The following TSC22D1 variants were observed in gnomAD, a reference collection of about 807,000 sequenced individuals.
The protein encoded by TSC22D1 is TSC22 domain family protein 1.
In TSC22D1, 9 loss-of-function variants were observed where a neutral mutation model predicts 74.2. The ratio of observed to expected loss-of-function variants is 0.12; its 90% CI spans 0.07 to 0.21. The LOEUF is 0.21. TSC22D1 is among the 10% of genes least tolerant of loss of function. The pLI is 1.00. For synonymous variants in TSC22D1, 586 were observed against 492.5 expected, an observed-to-expected ratio of 1.19 and a Z score of -2.51; for missense variants, 1,427 against 1,304.7, an observed-to-expected ratio of 1.09 and a Z score of -1.44.
At chr13:44,530,184 C>T (rs927183452) in intron 1 of TSC22D1, among the ~76,000 whole-genome samples, 1 of 152,076 alleles carries the variant, frequency 6.6e-6, no homozygotes, top group Admixed American at 6.6e-5. Context: ...CAGTATTCAA[C>T]ACAGTATGAT....
At chr13:44,523,321 A>T (rs1400811177) in intron 1 of TSC22D1, among the ~76,000 whole-genome samples, 1 of 152,230 alleles carries the variant, frequency 6.6e-6, no homozygotes, top group East Asian at 1.9e-4. Context: ...GTTGAAAACA[A>T]GTCCACATAA....
chr13:44,448,137 G>GTTGTCCTGATTATGA (rs1299832639), intron 1 of TSC22D1, among the ~76,000 whole-genome samples: 2 of 152,054 alleles, frequency 1.3e-5, no homozygotes, highest in Non-Finnish European at 2.9e-5. Flanking sequence ...GAAGTGACAA[G>GTTGTCCTGATTATGA]TTGTCCTGAT....
chr13:44,444,202 C>T (rs1273032112), intron 1 of TSC22D1, among the ~76,000 whole-genome samples: 2 of 137,740 alleles, frequency 1.5e-5, no homozygotes, highest in Non-Finnish European at 3.0e-5. Flanking sequence ...TCGCTTGAAC[C>T]TGGGAGGCAG....
At chr13:44,545,933 C>T (rs1423746483) in intron 1 of TSC22D1, among the ~76,000 whole-genome samples, 6 of 151,580 alleles carry the variant, frequency 4.0e-5, no homozygotes, top group South Asian at 4.2e-4. Flanking sequence ...GCCAAGATCG[C>T]GCCACTGCAC....
In TSC22D1 at chr13:44,500,095, GA is replaced by G. The variant is rs751648270; in HGVS notation, c.2913-64001del. On this transcript the variant is annotated intron_variant, in intron 1 of 2. Coordinates refer to ENST00000458659, the MANE Select transcript of TSC22D1 (RefSeq NM_183422.4). The stretch of plus-strand genomic sequence containing the variant: ...AAGAGCGAAAGCCCGTCTCAAAAAA[GA>G]AAAAAAAAAAAAAAAGAAAAGAAAA... Among the ~76,000 whole-genome samples, 521 of 68,818 alleles carry G rather than the reference GA, an allele frequency of 7.6e-3. 2 individuals are homozygous for G. Among genetic ancestry groups the G allele is most frequent in the African/African-American group, 0.013 (247 of 18,524 alleles). 45.1% of individuals were successfully genotyped at this position (68,818 alleles called of 152,430 possible).
At chr13:44,447,255 A>C (rs1240800137) in intron 1 of TSC22D1, among the ~76,000 whole-genome samples, 2 of 152,144 alleles carry the variant, frequency 1.3e-5, no homozygotes, top group Non-Finnish European at 2.9e-5. Context: ...AAGTGTTGAG[A>C]TTATAGGCGT....
At chr13:44,538,085 T>G in intron 1 of TSC22D1, 1 of 985,328 alleles carries the variant, frequency 1.0e-6, no homozygotes, top group African/African-American at 1.7e-5. Context: ...TTTGCAACAC[T>G]TATTCCTTCA....
At chr13:44,535,090 A>G (rs1047804236) in intron 1 of TSC22D1, among the ~76,000 whole-genome samples, 14 of 152,170 alleles carry the variant, frequency 9.2e-5, no homozygotes, top group African/African-American at 2.9e-4. Context: ...GTGGTTTATC[A>G]ATTTCACTTC....
chr13:44,530,293 G>T (rs1386524191), intron 1 of TSC22D1, among the ~76,000 whole-genome samples: 2 of 152,118 alleles, frequency 1.3e-5, no homozygotes, highest in African/African-American at 4.8e-5. Flanking sequence ...GCAATTCATG[G>T]AGAAAGAACA....
chr13:44,443,332 G>T (rs1029000470), intron 1 of TSC22D1, among the ~76,000 whole-genome samples: 4 of 151,780 alleles, frequency 2.6e-5, no homozygotes, highest in African/African-American at 7.3e-5. Flanking sequence ...CTGTCAATCT[G>T]TAATTCTATG....
At chr13:44,536,377 A>G (rs1881129656) in intron 1 of TSC22D1, among the ~76,000 whole-genome samples, 1 of 151,954 alleles carries the variant, frequency 6.6e-6, no homozygotes, top group Non-Finnish European at 1.5e-5. Context: ...TGCATAGAAA[A>G]GGTAAATTGT....
rs1884187026 is a variant in TSC22D1 at position 44,575,832 on chromosome 13, A to T, written c.243T>A (p.Pro81=). The T allele has an allele frequency of 1.9e-6, 3 of 1,613,560 alleles. No homozygotes were observed. The East Asian group carries it at 6.7e-5, about 36-fold the overall frequency. ...GCGAAAGGAGGTTCAGGCTTTGTGG[A>T]GGCGGAGGCTGTGGTCCCGACGTAG... ...ASSTSGPQPP[P]PQSLNLLSQA... Residue 81 remains proline (P), a synonymous_variant, in exon 1 of 3, where the codon CCT becomes CCA. Coordinates refer to ENST00000458659, the MANE Select transcript of TSC22D1 (RefSeq NM_183422.4).
intron 1 of TSC22D1, chr13:44,538,447 C>T (rs1405306503): frequency 1.0e-6 from 1 of 985,204 alleles, no homozygotes; most frequent in Non-Finnish European, 1.2e-6. Context: ...ATTAAGTTTT[C>T]TGGACTTCCT....
intron 1 of TSC22D1, among the ~76,000 whole-genome samples, chr13:44,524,438 G>C (rs1767729086): frequency 6.6e-6 from 1 of 152,182 alleles, no homozygotes; most frequent in Non-Finnish European, 1.5e-5. Flanking sequence ...CCAACAACTG[G>C]AAGAAAAACT....
chr13:44,539,653 G>A, intron 1 of TSC22D1: 12 of 1,150,662 alleles, frequency 1.0e-5, no homozygotes, highest in Non-Finnish European at 1.3e-5. Flanking sequence ...AAAACAGATT[G>A]CAGTCCCACC....
chr13:44,542,066 TAAC>T (rs1881503167), intron 1 of TSC22D1, among the ~76,000 whole-genome samples: 1 of 152,264 alleles, frequency 6.6e-6, no homozygotes, highest in African/African-American at 2.4e-5. Flanking sequence ...AAGTAAAACT[TAAC>T]TACTTTAAAA....
chr13:44,518,250 C>T (rs1053885999), intron 1 of TSC22D1, among the ~76,000 whole-genome samples: 1 of 152,010 alleles, frequency 6.6e-6, no homozygotes, highest in Non-Finnish European at 1.5e-5. Flanking sequence ...CTCAGAAGTG[C>T]TATGCTGCTG....
intron 1 of TSC22D1, chr13:44,436,814 G>A (rs1462521818): frequency 7.2e-7 from 1 of 1,383,168 alleles, no homozygotes; most frequent in East Asian, 2.6e-5. Flanking sequence ...GTGCCGTGAA[G>A]AGGCGCTTCC....
rs560591609 is a variant in TSC22D1, at chr13:44,434,081, G to A, written c.*545C>T. On this transcript the variant is annotated 3_prime_UTR_variant, in exon 3 of 3. Transcript: ENST00000458659. ...TTTTGTGTCATCCATTGTTTGAGAA[G>A]AAAGAGGCACAGTACTATTGTTTTT... The A allele has an allele frequency of 3.4e-4, 520 of 1,525,524 alleles. No individual in the cohort carries two copies. Among genetic ancestry groups the A allele is most frequent in the Non-Finnish European group, 4.3e-4 (494 of 1,144,540 alleles). 94.5% of individuals were successfully genotyped at this position (1,525,524 alleles called of 1,614,324 possible).
Sources: allele counts gnomAD v4.1 joint callset (sites outside exome capture counted in the v4.1 genomes callset), GRCh38; gene constraint gnomAD v4.1.1; transcripts MANE v1.5; gene names NCBI Gene and HGNC (gene_info 2026-07-23, HGNC 2026-07-21).